Variants in CDH8 observed in about 807,000 individuals in gnomAD.
The protein encoded by CDH8 is cadherin-8.
Under a neutral mutation model 68.1 loss-of-function variants are expected in CDH8, and 17 were observed. The observed-to-expected ratio is 0.25, with a 90% CI of 0.17 to 0.37. CDH8 has a LOEUF of 0.37. CDH8 is among the 10% of genes least tolerant of loss of function. The pLI is 1.00. For synonymous variants in CDH8, 372 were observed against 365.1 expected (o/e 1.02, Z -0.21); for missense variants, 763 against 999.3 (o/e 0.76, Z 3.19).
rs138549766 is a variant in CDH8 at position 61,852,852 on chromosome 16, C to CCCTTCCTTCCTTCCTTCCTTCCTTCCTT, written c.667+4239_667+4266dup. Reference sequence around the variant, plus strand: ...CTTCCTCCAGCTCTCCCTGACTCTGCCCTTCCTTCCTTCCTTCCTTCCTTC... The same window carrying CCCTTCCTTCCTTCCTTCCTTCCTTCCTT: ...CTTCCTCCAGCTCTCCCTGACTCTGCCCTTCCTTCCTTCCTTCCTTCCTTCCTTCCTTCCTTCCTTCCTTCCTTCCTTC... On this transcript the variant is annotated intron_variant, in intron 4 of 11. Coordinates refer to ENST00000577390, the MANE Select transcript of CDH8 (RefSeq NM_001796.5). Among the ~76,000 whole-genome samples, 222 of 133,162 alleles carry CCCTTCCTTCCTTCCTTCCTTCCTTCCTT rather than the reference C, an allele frequency of 1.7e-3. 4 individuals are homozygous for CCCTTCCTTCCTTCCTTCCTTCCTTCCTT. The highest frequency in any genetic ancestry group is 3.9e-3 in the Middle Eastern group (1 of 256). The allele number at this position is 133,162 out of a possible 152,430, so 87.4% of individuals were successfully genotyped here.
intron 7 of CDH8, among the ~76,000 whole-genome samples, chr16:61,792,159 ACAAAGG>A (rs1195259354): frequency 6.6e-6 from 1 of 151,998 alleles, no homozygotes; most frequent in Non-Finnish European, 1.5e-5. Context: ...CATAACTCTA[ACAAAGG>A]CAGAGATATT....
At chr16:61,698,096 A>G (rs1418573909) in intron 10 of CDH8, among the ~76,000 whole-genome samples, 1 of 152,210 alleles carries the variant, frequency 6.6e-6, no homozygotes, top group East Asian at 1.9e-4. Context: ...ATCTGAGAAA[A>G]AAGCTCTTTT....
intron 2 of CDH8, among the ~76,000 whole-genome samples, chr16:61,969,743 G>A (rs1414884727): frequency 6.6e-6 from 1 of 152,094 alleles, no homozygotes; most frequent in Non-Finnish European, 1.5e-5. Flanking sequence ...TAAGTGTAGT[G>A]GCATGAAAAT....
At chr16:61,929,256 T>G (rs970944612) in intron 2 of CDH8, among the ~76,000 whole-genome samples, 1 of 152,166 alleles carries the variant, frequency 6.6e-6, no homozygotes, top group Non-Finnish European at 1.5e-5. Context: ...ATGTATTTTC[T>G]ATGTATAAGC....
chr16:61,950,901 G>C (rs960065312), intron 2 of CDH8, among the ~76,000 whole-genome samples: 2 of 152,086 alleles, frequency 1.3e-5, no homozygotes, highest in Admixed American at 1.3e-4. Flanking sequence ...TGAGGGGGAA[G>C]GGTAGGAGAA....
chr16:61,708,571 G>A (rs1389929027), intron 10 of CDH8, among the ~76,000 whole-genome samples: 1 of 152,188 alleles, frequency 6.6e-6, no homozygotes, highest in African/African-American at 2.4e-5. Flanking sequence ...TCCTTGTCTT[G>A]TGACACTAAG....
chr16:61,949,000 A>G (rs1365447482), intron 2 of CDH8, among the ~76,000 whole-genome samples: 2 of 152,206 alleles, frequency 1.3e-5, no homozygotes, highest in African/African-American at 4.8e-5. Context: ...CTTATCTCAC[A>G]TCTCTAAATT....
intron 4 of CDH8, among the ~76,000 whole-genome samples, chr16:61,846,836 T>C (rs1430801684): frequency 6.6e-6 from 1 of 152,000 alleles, no homozygotes; most frequent in Non-Finnish European, 1.5e-5. Flanking sequence ...TCCACTGTAA[T>C]AAATGAGAAG....
At position 61,678,406 on chromosome 16, in the gene CDH8, T is replaced by C. The variant is rs1963954711; in HGVS notation, c.1655-22685A>G. Among the ~76,000 whole-genome samples, 4 of 152,204 alleles carry C rather than the reference T, an allele frequency of 2.6e-5. No homozygotes were observed. The South Asian group carries it at 8.3e-4, about 32-fold the overall frequency. On this transcript the variant is annotated intron_variant, in intron 10 of 11. Coordinates refer to ENST00000577390, the MANE Select transcript of CDH8 (RefSeq NM_001796.5). ...CTACTGATGAAACTGCAACTTCCTC[T>C]CAACACTATTAACTGTTTGCTCTAC...
chr16:62,027,666 G>A (rs191292678), intron 1 of CDH8, among the ~76,000 whole-genome samples: 3 of 152,284 alleles, frequency 2.0e-5, no homozygotes, highest in East Asian at 1.9e-4. Context: ...GGTATTTCAC[G>A]AAAGCAGGGG....
intron 5 of CDH8, among the ~76,000 whole-genome samples, chr16:61,821,975 C>A (rs1962224277): frequency 6.6e-6 from 1 of 151,848 alleles, no homozygotes; most frequent in African/African-American, 2.4e-5. Flanking sequence ...CCTTTAGAAC[C>A]TATTTTGCCC....
At chr16:61,899,929 T>G (rs1258851833) in intron 3 of CDH8, among the ~76,000 whole-genome samples, 1 of 151,948 alleles carries the variant, frequency 6.6e-6, no homozygotes, top group African/African-American at 2.4e-5. Context: ...TAAGGCATTC[T>G]GTACTATACC....
intron 4 of CDH8, among the ~76,000 whole-genome samples, chr16:61,828,148 G>A (rs1221864383): frequency 7.9e-5 from 12 of 151,496 alleles, no homozygotes; most frequent in Middle Eastern, 3.2e-3. Flanking sequence ...CCAAGATAGC[G>A]ACAAGAGTGA....
At chr16:61,885,482 G>A (rs564012646) in intron 3 of CDH8, among the ~76,000 whole-genome samples, 50 of 152,248 alleles carry the variant, frequency 3.3e-4, no homozygotes, top group Admixed American at 1.2e-3. Context: ...CACTTGCTTC[G>A]CTGACAGCCT....
At chr16:61,807,321 G>C (rs1390127512) in intron 7 of CDH8, among the ~76,000 whole-genome samples, 1 of 117,424 alleles carries the variant, frequency 8.5e-6, no homozygotes, top group Admixed American at 1.0e-4. Flanking sequence ...GGGGACTGTG[G>C]TGGGGTGGGG....
intron 2 of CDH8, among the ~76,000 whole-genome samples, chr16:61,959,984 G>GTCTATATATATATATA (rs1385952323): frequency 2.2e-5 from 1 of 44,556 alleles, no homozygotes; most frequent in Non-Finnish European, 4.0e-5. Context: ...GTGTGTGTGT[G>GTCTATATATATATATA]TATATATATA....
Position 61,792,149 on chromosome 16 carries a change from C to T in CDH8, c.1278-2667G>A, listed in dbSNP as rs185220409. 3.9e-5 allele frequency among the ~76,000 whole-genome samples: 6 copies of T among 151,984 alleles called. No homozygotes were observed. In the East Asian group the frequency reaches 9.7e-4, roughly 25 times the overall value. On this transcript the variant is annotated intron_variant, in intron 7 of 11. Coordinates refer to ENST00000577390, the MANE Select transcript of CDH8 (RefSeq NM_001796.5). ...AAAAAAATGTGTGTTATTTAACTCC[C>T]ATAACTCTAACAAAGGCAGAGATAT... is the stretch of plus-strand genomic sequence containing the variant.
At chr16:61,666,285 C>A (rs1246643173) in intron 10 of CDH8, among the ~76,000 whole-genome samples, 1 of 151,392 alleles carries the variant, frequency 6.6e-6, no homozygotes, top group Admixed American at 6.6e-5. Flanking sequence ...ATATCCCCTG[C>A]AGATGAAAAA....
chr16:61,708,958 C>G (rs1429412397), intron 10 of CDH8, among the ~76,000 whole-genome samples: 3 of 152,050 alleles, frequency 2.0e-5, no homozygotes, highest in African/African-American at 7.2e-5. Context: ...TTGAAAAAGT[C>G]CACTATGTGA....
Sources: allele counts gnomAD v4.1 joint callset (sites outside exome capture counted in the v4.1 genomes callset), GRCh38; gene constraint gnomAD v4.1.1; transcripts MANE v1.5; gene names NCBI Gene and HGNC (gene_info 2026-07-23, HGNC 2026-07-21).